The following MBD5 variants were observed in gnomAD, a reference collection of about 807,000 sequenced individuals.
MBD5 encodes methyl-CpG-binding domain protein 5.
A neutral mutation model predicts 117.3 loss-of-function variants in MBD5; 13 were observed. The ratio of observed to expected loss-of-function variants is 0.11; its 90% CI spans 0.07 to 0.18. MBD5 has a LOEUF of 0.18. Among genes scored for constraint, MBD5 ranks in the 10% least tolerant of loss-of-function variants. The pLI is 1.00. For missense variants in MBD5, 1,879 were observed against 2,093.8 expected (o/e 0.90, Z 2.00); for synonymous variants, 727 against 766.4 (o/e 0.95, Z 0.85).
intron 1 of MBD5, among the ~76,000 whole-genome samples, chr2:148,108,030 G>C (rs1360144434): frequency 1.3e-5 from 2 of 152,074 alleles, no homozygotes; most frequent in Non-Finnish European, 2.9e-5. Context: ...TTCAATGAAG[G>C]CTCTCTTGTG....
At chr2:148,247,063 A>G (rs1477151660) in intron 3 of MBD5, among the ~76,000 whole-genome samples, 3 of 152,124 alleles carry the variant, frequency 2.0e-5, no homozygotes, top group African/African-American at 7.2e-5. Flanking sequence ...CTTTCCTGTA[A>G]AGCTTTTTTT....
intron 11 of MBD5, among the ~76,000 whole-genome samples, chr2:148,492,865 C>T (rs1400706789): frequency 6.6e-6 from 1 of 151,882 alleles, no homozygotes; most frequent in Non-Finnish European, 1.5e-5. Context: ...TAAGACAAAA[C>T]GTGATGTATT....
At chr2:148,223,775 T>G (rs1699750085) in intron 2 of MBD5, among the ~76,000 whole-genome samples, 1 of 152,164 alleles carries the variant, frequency 6.6e-6, no homozygotes, top group Non-Finnish European at 1.5e-5. Context: ...TTGGGTTTGG[T>G]TTGCTCTTGC....
chr2:148,445,071 C>T (rs1013602557), intron 4 of MBD5, among the ~76,000 whole-genome samples: 3 of 151,282 alleles, frequency 2.0e-5, no homozygotes, highest in African/African-American at 4.9e-5. Flanking sequence ...GTTGCCACAC[C>T]TTGTCCTACA....
At chr2:148,136,612 T>C (rs1297828384) in intron 1 of MBD5, among the ~76,000 whole-genome samples, 1 of 152,180 alleles carries the variant, frequency 6.6e-6, no homozygotes, top group Admixed American at 6.5e-5. Context: ...ATAAAGGAGG[T>C]AAACAGTTAT....
chr2:148,039,540 G>A (rs1258199444), intron 1 of MBD5, among the ~76,000 whole-genome samples: 1 of 152,076 alleles, frequency 6.6e-6, no homozygotes, highest in African/African-American at 2.4e-5. Context: ...AATCACTGTT[G>A]CTTGAATAGT....
At chr2:148,273,193 C>T (rs190151927) in intron 3 of MBD5, among the ~76,000 whole-genome samples, 4 of 152,292 alleles carry the variant, frequency 2.6e-5, no homozygotes, top group Admixed American at 2.6e-4. Context: ...AATGCCTTTG[C>T]TCATTCCTGG....
At chr2:148,218,609 C>A (rs570087230) in intron 2 of MBD5, among the ~76,000 whole-genome samples, 21 of 152,214 alleles carry the variant, frequency 1.4e-4, no homozygotes, top group African/African-American at 4.8e-4. Flanking sequence ...ATAGAGTGTA[C>A]CTACAGAAAT....
At chr2:148,223,593 T>A (rs1699746497) in intron 2 of MBD5, among the ~76,000 whole-genome samples, 1 of 152,226 alleles carries the variant, frequency 6.6e-6, no homozygotes, top group African/African-American at 2.4e-5. Context: ...TTCTGTCGTA[T>A]CATTTGTAAT....
chr2:148,239,648 A>G (rs183936593), intron 3 of MBD5, among the ~76,000 whole-genome samples: 94 of 150,800 alleles, frequency 6.2e-4, no homozygotes, highest in African/African-American at 2.2e-3. Context: ...AAGAAAAATT[A>G]TTGACATTTC....
intron 1 of MBD5, among the ~76,000 whole-genome samples, chr2:148,172,577 A>G (rs1186422745): frequency 6.6e-6 from 1 of 152,128 alleles, no homozygotes; most frequent in Admixed American, 6.5e-5. Flanking sequence ...GGAGACAGAC[A>G]GGCTCCTGGG....
chr2:148,147,269 G>A (rs1024373673), intron 1 of MBD5, among the ~76,000 whole-genome samples: 3 of 151,004 alleles, frequency 2.0e-5, no homozygotes, highest in Non-Finnish European at 4.4e-5. Context: ...CTGAGACGGA[G>A]TCTCGCACTG....
At chr2:148,125,865 TA>T (rs1331470010) in intron 1 of MBD5, among the ~76,000 whole-genome samples, 2 of 152,192 alleles carry the variant, frequency 1.3e-5, no homozygotes, top group Non-Finnish European at 2.9e-5. Flanking sequence ...TGTTTCTAAA[TA>T]TTTTTTTAAA....
chr2:148,386,623 G>C (rs1304725349), intron 4 of MBD5, among the ~76,000 whole-genome samples: 4 of 149,296 alleles, frequency 2.7e-5, no homozygotes, highest in Admixed American at 6.7e-5. Flanking sequence ...GGAGGCTGAG[G>C]CAGGAGAATG....
rs1405138202 is a variant in MBD5, at chr2:148,364,098, G to A, written c.-557+21762G>A. Among the ~76,000 whole-genome samples the A allele has an allele frequency of 2.0e-5, 3 of 152,224 alleles. 1 individual carries two copies. Among genetic ancestry groups the A allele is most frequent in the South Asian group, 4.1e-4 (2 of 4,830 alleles). On this transcript the variant is annotated intron_variant, in intron 4 of 13. Transcript: ENST00000642680. Reference sequence around the variant, plus strand: ...AAATATTAAGGGCAGAAGAGAGAAAGGTCAGGTTATCCACAAAGGGAATCC... The same window carrying A: ...AAATATTAAGGGCAGAAGAGAGAAAAGTCAGGTTATCCACAAAGGGAATCC...
At chr2:148,232,516 C>T (rs1029098518) in intron 2 of MBD5, among the ~76,000 whole-genome samples, 2 of 151,878 alleles carry the variant, frequency 1.3e-5, no homozygotes, top group Non-Finnish European at 2.9e-5. Context: ...TCACTGTTAC[C>T]TAATTGGAAT....
At chr2:148,427,237 G>T (rs954842986) in intron 4 of MBD5, among the ~76,000 whole-genome samples, 1 of 152,094 alleles carries the variant, frequency 6.6e-6, no homozygotes, top group Non-Finnish European at 1.5e-5. Context: ...TGTGGAAGTT[G>T]GCGTGGCGAT....
chr2:148,258,908 G>A (rs763923557), intron 3 of MBD5, among the ~76,000 whole-genome samples: 20 of 152,068 alleles, frequency 1.3e-4, no homozygotes, highest in Admixed American at 9.2e-4. Flanking sequence ...CCTGAGAGCC[G>A]CCATAGCAGT....
At chr2:148,235,575 G>C (rs1047475377) in intron 3 of MBD5, among the ~76,000 whole-genome samples, 1 of 152,134 alleles carries the variant, frequency 6.6e-6, no homozygotes, top group Non-Finnish European at 1.5e-5. Context: ...AAAGGCAGTT[G>C]AACGTAGCAG....
Sources: gnomAD v4.1 joint callset for allele counts (sites outside exome capture counted in the v4.1 genomes callset) on GRCh38, gnomAD v4.1.1 for gene constraint, MANE v1.5 for transcripts, NCBI Gene and HGNC (gene_info 2026-07-23, HGNC 2026-07-21) for gene names.